The following KIF17 variants were observed in gnomAD, a reference collection of about 807,000 sequenced individuals.
KIF17 encodes kinesin-like protein KIF17.
In KIF17, 80 loss-of-function variants were observed where a neutral mutation model predicts 96.8. The ratio of observed to expected loss-of-function variants is 0.83; its 90% confidence interval spans 0.69 to 1.00. KIF17 has a LOEUF of 1.00. Among genes scored for constraint, KIF17 ranks in the 50% least tolerant of loss-of-function variants. KIF17 has a pLI of 0.00. For synonymous variants in KIF17, 567 were observed against 587.5 expected (o/e 0.97, Z 0.51); for missense variants, 1,280 against 1,372.9 (o/e 0.93, Z 1.07).
chr1:20,675,933 A>G (rs1337929576), intron 11 of KIF17, among the ~76,000 whole-genome samples: 1 of 152,094 alleles, frequency 6.6e-6, no homozygotes, highest in Non-Finnish European at 1.5e-5. Context: ...CCAGCTACTC[A>G]GGAGGCTGAG....
At chr1:20,668,589 G>A (rs929132944) in intron 13 of KIF17, among the ~76,000 whole-genome samples, 1 of 152,186 alleles carries the variant, frequency 6.6e-6, no homozygotes, top group African/African-American at 2.4e-5. Context: ...TGCAGCCTGA[G>A]TTGCTCAGCC....
rs1039313594 is a variant in KIF17 at position 20,672,972 on chromosome 1, C to T, written c.2464-776G>A. 6.6e-6 allele frequency: 1 copy of T among 152,660 alleles called. No homozygotes were observed. Among genetic ancestry groups the T allele is most frequent in the Admixed American group, 6.5e-5 (1 of 15,340 alleles). The allele number at this position is 152,660 out of a possible 1,614,324, so 9.5% of individuals were successfully genotyped here. A position where few individuals can be genotyped will look rare whatever the true frequency, so the allele number is the denominator to read the frequency against. On this transcript the variant is annotated intron_variant, in intron 11 of 14. Transcript: ENST00000400463. This position sits in a 1 kb window ranked among gnomAD's most constrained non-coding sequence, Gnocchi z 4.3. ...GGGCGTGGTGGCTCACACCTGTAAT[C>T]CCAGCACTTTGGAAGGCCGAAGCGG...
At chr1:20,683,679 T>G (rs1285001969) in intron 10 of KIF17, among the ~76,000 whole-genome samples, 1 of 151,758 alleles carries the variant, frequency 6.6e-6, no homozygotes, top group Admixed American at 6.6e-5. Flanking sequence ...GAAAAAAACA[T>G]CCTGCTGTGG....
intron 7 of KIF17, among the ~76,000 whole-genome samples, chr1:20,689,353 G>A (rs1049441362): frequency 4.6e-5 from 7 of 152,128 alleles, no homozygotes; most frequent in African/African-American, 1.7e-4. Context: ...GTGGCAAAAA[G>A]AAGACAAAAA....
At position 20,684,840 on chromosome 1, in the gene KIF17, G is replaced by A. The variant is rs886260380; in HGVS notation, c.2200C>T (p.Pro734Ser). The A allele has an allele frequency of 1.3e-6, 2 of 1,592,414 alleles. No homozygotes were observed. Among genetic ancestry groups the A allele is most frequent in the South Asian group, 1.1e-5 (1 of 87,740 alleles). ...EVAVLTDDPL[P>S]VVDQQQVLAR... Reference sequence around the variant, plus strand: ...AGCACCTGCTGCTGGTCCACAACGGGCAGCGGGTCATCAGTCAGCACTGCC... The same window carrying A: ...AGCACCTGCTGCTGGTCCACAACGGACAGCGGGTCATCAGTCAGCACTGCC... The change falls in exon 10 of 15, where the codon CCC becomes TCC. Residue 734 changes from proline to serine, a missense_variant. Transcript: ENST00000400463.
At chr1:20,669,055 G>C (rs2053585562) in intron 13 of KIF17, among the ~76,000 whole-genome samples, 1 of 152,076 alleles carries the variant, frequency 6.6e-6, no homozygotes, top group South Asian at 2.1e-4. Context: ...TGCCTAGCCT[G>C]AGGATCTGTA....
At chr1:20,666,101 G>C in intron 14 of KIF17, 113 bp downstream of exon 14, 1 of 829,172 alleles carries the variant, frequency 1.2e-6, no homozygotes, top group Admixed American at 1.7e-5. Context: ...AGGAAACTGA[G>C]GCTCCGAGAG....
chr1:20,687,828 C>T lies in KIF17; in HGVS notation c.1498G>A (p.Val500Ile). ...GGCAGAGTGTCAGTCGTGGAGAAGA[C>T]CTTGGGTTTCACCACTGTCTCATAC... is the stretch of plus-strand genomic sequence containing the variant. ...FQYETVVKPK[V>I]FSTTDTLPSD... Residue 500 changes from valine to isoleucine, a missense_variant, in exon 8 of 15, where the codon GTC becomes ATC. By Grantham distance (29) the Val-to-Ile change is conservative (BLOSUM62 3). Transcript: ENST00000400463. The surrounding 1 kb of genome is among the most constrained non-coding windows in gnomAD (Gnocchi z 4.4). 6.2e-7 allele frequency: 1 copy of T among 1,614,124 alleles called. No individual in the cohort carries two copies. Among genetic ancestry groups the T allele is most frequent in the Non-Finnish European group, 8.5e-7 (1 of 1,180,024 alleles).
At chr1:20,696,352 G>A (rs2054138661) in intron 6 of KIF17, among the ~76,000 whole-genome samples, 1 of 152,174 alleles carries the variant, frequency 6.6e-6, no homozygotes, top group Non-Finnish European at 1.5e-5. Context: ...AGGGACGCAG[G>A]GATAGCGGGG....
intron 12 of KIF17, among the ~76,000 whole-genome samples, chr1:20,670,849 T>C (rs2053636468): frequency 6.6e-6 from 1 of 152,058 alleles, no homozygotes; most frequent in South Asian, 2.1e-4. Flanking sequence ...ATGAACACGC[T>C]GAGCAAGAGG....
At chr1:20,690,134 C>T (rs1471722653) in intron 7 of KIF17, 54 bp downstream of exon 7, 47 of 1,599,402 alleles carry the variant, frequency 2.9e-5, no homozygotes, top group South Asian at 2.1e-4. Flanking sequence ...TGCAGTGAGG[C>T]GGAAAGGAGG....
In KIF17 at chr1:20,712,599, T is replaced by TTATATATATATAATATAGATA. The variant is rs1553152924; in HGVS notation, c.480+854_480+855insTATCTATATTATATATATATA. Among the ~76,000 whole-genome samples the TTATATATATATAATATAGATA allele has an allele frequency of 1.3e-4, 2 of 14,862 alleles. 1 individual carries two copies. The highest frequency in any genetic ancestry group is 3.4e-3 in the East Asian group (2 of 596). 9.8% of individuals were successfully genotyped at this position (14,862 alleles called of 152,430 possible). ...AATATTATCTATATATATATCTATA[T>TTATATATATATAATATAGATA]ATATCTATATATATATAATATAGAT... is the stretch of plus-strand genomic sequence containing the variant. On this transcript the variant is annotated intron_variant, in intron 3 of 14. Coordinates refer to ENST00000400463, the MANE Select transcript of KIF17 (RefSeq NM_001122819.3).
rs1031456536 is a variant in KIF17 at position 20,688,165 on chromosome 1, G to T, written c.1382-221C>A. On this transcript the variant is annotated intron_variant, in intron 7 of 14. Coordinates refer to ENST00000400463, the MANE Select transcript of KIF17 (RefSeq NM_001122819.3). ...AGGTTCATGCCATTCTCCTGCCTCGGCCTCCCGAGTAGCTGGGAGTACAGG... is the reference window on the plus strand; with the variant it reads ...AGGTTCATGCCATTCTCCTGCCTCGTCCTCCCGAGTAGCTGGGAGTACAGG... Among the ~76,000 whole-genome samples the T allele has an allele frequency of 2.0e-5, 3 of 152,010 alleles. 1 individual carries two copies. Among genetic ancestry groups the T allele is most frequent in the African/African-American group, 7.2e-5 (3 of 41,410 alleles).
rs935815282 is a variant in KIF17 at position 20,709,043 on chromosome 1, A to G, written c.670+596T>C. ...TTCCTCTGTAAAATGGGGATGATTC[A>G]GTATCCACCTCATGGGAGTGCTGTA... On this transcript the variant is annotated intron_variant, in intron 4 of 14. Coordinates refer to ENST00000400463, the MANE Select transcript of KIF17 (RefSeq NM_001122819.3). This position sits in a 1 kb window ranked among gnomAD's most constrained non-coding sequence, Gnocchi z 4.7. Among the ~76,000 whole-genome samples, 28 of 152,302 alleles carry G rather than the reference A, an allele frequency of 1.8e-4. No homozygotes were observed. The highest frequency in any genetic ancestry group is 2.1e-4 in the Non-Finnish European group (14 of 68,018).
intron 4 of KIF17, among the ~76,000 whole-genome samples, chr1:20,707,121 G>A (rs1374156221): frequency 2.0e-5 from 3 of 152,168 alleles, no homozygotes; most frequent in Non-Finnish European, 4.4e-5. Flanking sequence ...AAGGAACTTG[G>A]TGCTGCCTCT....
Position 20,671,949 on chromosome 1 carries a change from C to A in KIF17, c.2711G>T (p.Ser904Ile), listed in dbSNP as rs1348713519. 4.3e-6 allele frequency: 7 copies of A among 1,613,546 alleles called. No individual in the cohort carries two copies. The highest frequency in any genetic ancestry group is 1.3e-5 in the African/African-American group (1 of 74,920). The part of the protein sequence containing the change: ...KIPHPVITKT[S>I]LPVVSTGPQN... The stretch of plus-strand genomic sequence containing the variant: ...GCCAAGCTCCTGACCTACTGGGAGG[C>A]TGGTTTTTGTGATGACGGGATGTGG... Residue 904 changes from serine to isoleucine, a missense_variant, in exon 12 of 15, where the codon AGC (serine) becomes ATC (isoleucine). Physicochemically the swap from Ser to Ile is moderately radical, Grantham distance 142. Transcript: ENST00000400463.
At chr1:20,669,520 A>G (rs2053598957) in intron 13 of KIF17, among the ~76,000 whole-genome samples, 1 of 146,086 alleles carries the variant, frequency 6.8e-6, no homozygotes, top group African/African-American at 2.5e-5. Flanking sequence ...TGGGCGACAG[A>G]GCGAGACTCT....
intron 6 of KIF17, 45 bp downstream of exon 6, chr1:20,698,334 C>T (rs963744635): frequency 1.8e-5 from 26 of 1,410,704 alleles, no homozygotes; most frequent in Non-Finnish European, 2.5e-5. Context: ...CGCTGGGCCC[C>T]ACCTGCCTGT....
intron 5 of KIF17, 85 bp from the exon 6 acceptor site, chr1:20,698,573 C>T: frequency 1.2e-6 from 1 of 849,806 alleles, no homozygotes; most frequent in South Asian, 1.4e-5. Context: ...AAGACGACCT[C>T]ATGGTCATTC....
Sources: gnomAD v4.1 joint callset for allele counts (sites outside exome capture counted in the v4.1 genomes callset) on GRCh38, gnomAD v4.1.1 for gene constraint, Gnocchi (gnomAD v3.1) non-coding constraint, MANE v1.5 for transcripts, NCBI Gene and HGNC (gene_info 2026-07-23, HGNC 2026-07-21) for gene names.